DMD: variants seen among roughly 807,000 people sequenced by gnomAD.
The protein encoded by DMD is mutant dystrophin.
A neutral mutation model predicts 330.1 loss-of-function variants in DMD; 63 were observed. The ratio of observed to expected loss-of-function variants is 0.19; its 90% CI spans 0.16 to 0.24. The LOEUF (loss-of-function observed/expected upper bound fraction) is 0.24. DMD is among the 10% of genes least tolerant of loss of function. The probability of loss-of-function intolerance (pLI) is 1.00; values close to 1 mark genes in which losing one functional copy is unlikely to be tolerated. For synonymous variants in DMD, 1,223 were observed against 959.8 expected (o/e 1.27, Z -5.07); for missense variants, 3,344 against 2,684.1 (o/e 1.25, Z -5.43).
At chrX:33,185,814 C>T (rs1187994486) in intron 1 of DMD, among the ~76,000 whole-genome samples, 2 of 111,858 alleles carry the variant, frequency 1.8e-5, no homozygotes, top group East Asian at 2.8e-4. Context: ...AGAATTCCAA[C>T]ATATGCTTCA....
At chrX:32,802,811 A>G (rs1046726839) in intron 7 of DMD, among the ~76,000 whole-genome samples, 2 of 111,983 alleles carry the variant, frequency 1.8e-5, no homozygotes, top group African/African-American at 6.5e-5. Context: ...CTTGCATCCC[A>G]GGGATGAAGC....
chrX:32,996,756 G>T (rs2093131188), intron 2 of DMD, among the ~76,000 whole-genome samples: 1 of 109,768 alleles, frequency 9.1e-6, no homozygotes, highest in Non-Finnish European at 1.9e-5. Context: ...GGTGAAGGTT[G>T]CAGTGAGCCG....
chrX:33,273,656 G>C (rs1464980151), intron 1 of DMD, among the ~76,000 whole-genome samples: 3 of 112,285 alleles, frequency 2.7e-5, no homozygotes, highest in Non-Finnish European at 3.8e-5. Flanking sequence ...TACGCAATTA[G>C]CATATGCTGT....
At chrX:31,572,898 T>A (rs1414556345) in intron 55 of DMD, among the ~76,000 whole-genome samples, 1 of 112,120 alleles carries the variant, frequency 8.9e-6, no homozygotes, top group Non-Finnish European at 1.9e-5. Context: ...AAATTTTTTA[T>A]CTTTTTTATT....
At chrX:33,250,573 T>C (rs900169899) in intron 1 of DMD, among the ~76,000 whole-genome samples, 5 of 110,970 alleles carry the variant, frequency 4.5e-5, no homozygotes, top group African/African-American at 1.6e-4. Flanking sequence ...CAAACATATA[T>C]ACATATATAC....
chrX:32,526,847 GTGTTC>G (rs1441906485), intron 17 of DMD, among the ~76,000 whole-genome samples: 1 of 111,956 alleles, frequency 8.9e-6, no homozygotes, highest in Non-Finnish European at 1.9e-5. Flanking sequence ...GATGGGCACT[GTGTTC>G]TGTTAATTTT....
chrX:32,833,787 G>A (rs1380048059), intron 4 of DMD, among the ~76,000 whole-genome samples: 1 of 107,633 alleles, frequency 9.3e-6, no homozygotes, highest in Non-Finnish European at 1.9e-5. Context: ...ACTATTTATA[G>A]TTATATAATT....
intron 1 of DMD, among the ~76,000 whole-genome samples, chrX:33,119,245 TA>T (rs1421364862): frequency 8.9e-6 from 1 of 112,376 alleles, no homozygotes; most frequent in African/African-American, 3.2e-5. Context: ...GTTTTATATA[TA>T]TATATACACA....
rs1312370257 is a variant in DMD, at chrX:32,115,314, C to A, written c.6438+101602G>T. ...GCAGCGGTGTGATCACGGCTCACTG[C>A]AGCCTTGACTTCCCAGGCTCAAGTG... is the stretch of plus-strand genomic sequence containing the variant. On this transcript the variant is annotated intron_variant, in intron 44 of 78. Coordinates refer to ENST00000357033, the MANE Select transcript of DMD (RefSeq NM_004006.3). 6.3e-5 allele frequency among the ~76,000 whole-genome samples: 7 copies of A among 111,727 alleles called. No homozygotes were observed. In the Admixed American group the frequency reaches 6.7e-4, roughly 11 times the overall value.
At chrX:33,321,507 T>C (rs756513328) in intron 1 of DMD, among the ~76,000 whole-genome samples, 1 of 112,000 alleles carries the variant, frequency 8.9e-6, no homozygotes, top group Admixed American at 9.5e-5. Context: ...TGTAAACAGA[T>C]GTGCTCTCAT....
chrX:32,177,769 C>A (rs952447408), intron 44 of DMD, among the ~76,000 whole-genome samples: 8 of 110,707 alleles, frequency 7.2e-5, no homozygotes, highest in Admixed American at 2.9e-4. Context: ...AATAATAATA[C>A]TAATTACTGA....
chrX:31,781,674 C>G (rs1027850206), intron 50 of DMD, among the ~76,000 whole-genome samples: 4 of 110,662 alleles, frequency 3.6e-5, no homozygotes, highest in African/African-American at 1.3e-4. Context: ...TCTACATGCG[C>G]TCAGTGAAAA....
At chrX:31,523,518 T>C (rs1052766709) in intron 55 of DMD, among the ~76,000 whole-genome samples, 3 of 112,096 alleles carry the variant, frequency 2.7e-5, no homozygotes, top group African/African-American at 6.5e-5. Flanking sequence ...ATGACCCGAT[T>C]TGGGGAAGGA....
rs979544528 is a variant in DMD at position 33,124,822 on chromosome X, C to T, written c.31+86460G>A. On this transcript the variant is annotated intron_variant, in intron 1 of 78. Transcript: ENST00000357033. The stretch of plus-strand genomic sequence containing the variant: ...GGTGGCTCACCTGAGGTCAGGAGTT[C>T]GAGACCAGCCTGACCAACATGGAGA... 9.2e-5 allele frequency among the ~76,000 whole-genome samples: 10 copies of T among 109,013 alleles called. No homozygotes were observed. The South Asian group carries it at 1.2e-3, about 13-fold the overall frequency. The allele number at this position is 109,013 out of a possible 115,157, so 94.7% of individuals were successfully genotyped here.
chrX:31,917,603 A>G (rs929535960), intron 47 of DMD, among the ~76,000 whole-genome samples: 1 of 112,850 alleles, frequency 8.9e-6, no homozygotes, highest in Non-Finnish European at 1.9e-5. Context: ...TCAAAAACAA[A>G]CAATAATCAA....
At chrX:32,605,655 A>C (rs1471509313) in intron 12 of DMD, among the ~76,000 whole-genome samples, 2 of 111,131 alleles carry the variant, frequency 1.8e-5, no homozygotes, top group East Asian at 5.7e-4. Flanking sequence ...CTATACATCT[A>C]ACAAAAAACT....
In DMD at chrX:31,126,716, G is replaced by GA. The variant is rs72466533; in HGVS notation, c.11015-44dup. 5.6e-4 allele frequency: 545 copies of GA among 978,458 alleles called. 2 individuals carry two copies. In the African/African-American group the frequency reaches 6.5e-3, roughly 12 times the overall value. 80.6% of individuals were successfully genotyped at this position (978,458 alleles called of 1,213,427 possible). Reference sequence around the variant, plus strand: ...GGAAGAGGCAGAGATATCAGAAAGGGAAAAAAAACATGCATAAATATACAA... The same window carrying GA: ...GGAAGAGGCAGAGATATCAGAAAGGGAAAAAAAAACATGCATAAATATACAA... On this transcript the variant is annotated intron_variant, in intron 77 of 78. Transcript: ENST00000357033.
Position 32,771,815 on chromosome X carries a change from T to G in DMD, c.649+37678A>C, listed in dbSNP as rs745855435. On this transcript the variant is annotated intron_variant, in intron 7 of 78. Transcript: ENST00000357033. ...AAGCACTGATCAAGAATGAGAGGAT[T>G]TTGTTTTATCTTTGAGGTTTATACA... 9.8e-5 allele frequency among the ~76,000 whole-genome samples: 11 copies of G among 112,008 alleles called. No homozygotes were observed. The Admixed American group carries it at 1.0e-3, about 11-fold the overall frequency.
chrX:32,658,375 T>A (rs891003603), intron 9 of DMD, among the ~76,000 whole-genome samples: 2 of 111,205 alleles, frequency 1.8e-5, no homozygotes, highest in Non-Finnish European at 3.8e-5. Flanking sequence ...GGCTAGATAA[T>A]AGGTATCTTC....
Sources: allele counts gnomAD v4.1 joint callset (sites outside exome capture counted in the v4.1 genomes callset), GRCh38; gene constraint gnomAD v4.1.1; transcripts MANE v1.5; gene names NCBI Gene and HGNC (gene_info 2026-07-23, HGNC 2026-07-21).